The following FUT8 variants were observed in gnomAD, a reference collection of about 807,000 sequenced individuals.
FUT8 encodes the protein fucosyltransferase 8.
FUT8 carries 29 observed loss-of-function variants against 71.3 expected under a neutral mutation model. The ratio of observed to expected loss-of-function variants is 0.41; its 90% confidence interval spans 0.30 to 0.55. FUT8 has a LOEUF of 0.55. Among genes scored for constraint, FUT8 ranks in the 20% least tolerant of loss-of-function variants. FUT8 has a pLI of 0.34. For missense variants in FUT8, 544 were observed against 702.1 expected (o/e 0.77, Z 2.55); for synonymous variants, 254 against 239.3 (o/e 1.06, Z -0.57).
chr14:65,383,236 A>C, the FUT8 span, among the ~76,000 whole-genome samples: 1 of 137,086 alleles, frequency 7.3e-6, no homozygotes. Flanking sequence ...CTCAATAACC[A>C]CCATTGGATT....
At chr14:65,391,830 C>G in the FUT8 span, among the ~76,000 whole-genome samples, 2 of 151,736 alleles carry the variant, frequency 1.3e-5, no homozygotes, top group Non-Finnish European at 2.9e-5. Context: ...CCATGTTGGT[C>G]AGGCTGGTCT....
At chr14:65,677,152 G>GTGTGTGTGTGCGCGCGCGCGCGCGCA (rs1555383261) in intron 7 of FUT8, among the ~76,000 whole-genome samples, 2 of 59,478 alleles carry the variant, frequency 3.4e-5, no homozygotes, top group Non-Finnish European at 9.1e-5. Context: ...GTGTGTGTGT[G>GTGTGTGTGTGCGCGCGCGCGCGCGCA]CGCGCGCGCA....
intron 3 of FUT8, among the ~76,000 whole-genome samples, chr14:65,569,337 C>T (rs1206868034): frequency 6.6e-6 from 1 of 151,592 alleles, no homozygotes; most frequent in Non-Finnish European, 1.5e-5. Flanking sequence ...TTATGGAATT[C>T]CAATTATATG....
intron 10 of FUT8, among the ~76,000 whole-genome samples, chr14:65,741,568 T>TA (rs904566812): frequency 1.6e-4 from 24 of 150,924 alleles, no homozygotes; most frequent in African/African-American, 4.6e-4. Flanking sequence ...AAGTATAATT[T>TA]AAAAAAAAAG....
chr14:65,718,451 T>C (rs1594933909), intron 7 of FUT8, among the ~76,000 whole-genome samples: 1 of 152,334 alleles, frequency 6.6e-6, no homozygotes, highest in East Asian at 1.9e-4. Flanking sequence ...TTGTAGTTAT[T>C]TTTGATCGGT....
intron 9 of FUT8, among the ~76,000 whole-genome samples, chr14:65,729,284 C>T (rs755431775): frequency 2.2e-4 from 34 of 151,426 alleles, no homozygotes; most frequent in Non-Finnish European, 2.8e-4. Context: ...TCCAAAGTGC[C>T]GGGATTACTG....
At chr14:65,367,324 C>T in the FUT8 span, among the ~76,000 whole-genome samples, 1 of 152,144 alleles carries the variant, frequency 6.6e-6, no homozygotes, top group South Asian at 2.1e-4. Flanking sequence ...AAGAAAGCCT[C>T]AGTGGGATGA....
At position 65,508,010 on chromosome 14, in the gene FUT8, A is replaced by G. The variant is rs138490555; in HGVS notation, c.-228+52292A>G. Among the ~76,000 whole-genome samples, 152 of 151,466 alleles carry G rather than the reference A, an allele frequency of 1.0e-3. 1 individual carries two copies. The highest frequency in any genetic ancestry group is 3.6e-3 in the African/African-American group (149 of 41,268). On this transcript the variant is annotated intron_variant, in intron 2 of 10. Coordinates refer to ENST00000673929, the MANE Select transcript of FUT8 (RefSeq NM_001371533.1). ...TAAAAGCCATTTTAACTGGAGTAAGATGATATCTCATTGTAGTTTTGATTT... is the reference window on the plus strand; with the variant it reads ...TAAAAGCCATTTTAACTGGAGTAAGGTGATATCTCATTGTAGTTTTGATTT...
chr14:65,462,632 C>T (rs1437595464), intron 2 of FUT8, among the ~76,000 whole-genome samples: 1 of 152,150 alleles, frequency 6.6e-6, no homozygotes, highest in African/African-American at 2.4e-5. Context: ...TTAAATAGGT[C>T]ACTGTAGTAT....
At chr14:65,509,041 C>G (rs1882161218) in intron 2 of FUT8, among the ~76,000 whole-genome samples, 1 of 152,054 alleles carries the variant, frequency 6.6e-6, no homozygotes, top group African/African-American at 2.4e-5. Context: ...TTATTTTAGT[C>G]ATTTCATAGT....
At chr14:65,621,239 G>T (rs926260251) in intron 5 of FUT8, among the ~76,000 whole-genome samples, 3 of 151,418 alleles carry the variant, frequency 2.0e-5, no homozygotes, top group Non-Finnish European at 4.4e-5. Context: ...TGCATTATTT[G>T]TTCCTGTTTT....
intron 3 of FUT8, among the ~76,000 whole-genome samples, chr14:65,570,182 A>G (rs1268875937): frequency 2.0e-5 from 3 of 152,052 alleles, no homozygotes; most frequent in African/African-American, 7.2e-5. Context: ...CTAGCCTTGG[A>G]GCCATAGAAT....
Position 65,563,435 on chromosome 14 carries a change from A to G in FUT8, c.203+1669A>G, listed in dbSNP as rs150187825. Reference sequence around the variant, plus strand: ...TTTGCTGAAGGTCACACTTTTCACAAGTGGTAGAGCCTACTTTGAATCCCA... The same window carrying G: ...TTTGCTGAAGGTCACACTTTTCACAGGTGGTAGAGCCTACTTTGAATCCCA... On this transcript the variant is annotated intron_variant, in intron 3 of 10. Transcript: ENST00000673929. 4.8e-3 allele frequency among the ~76,000 whole-genome samples: 728 copies of G among 152,116 alleles called. 22 individuals are homozygous for G. The highest frequency in any genetic ancestry group is 1.4e-3 in the Non-Finnish European group (92 of 67,952).
chr14:65,542,863 A>G (rs1319404036), intron 2 of FUT8, among the ~76,000 whole-genome samples: 1 of 151,922 alleles, frequency 6.6e-6, no homozygotes. Context: ...GCTCACTGCA[A>G]CCTCCGCTTC....
intron 2 of FUT8, among the ~76,000 whole-genome samples, chr14:65,469,467 A>G (rs2066101953): frequency 6.6e-6 from 1 of 152,188 alleles, no homozygotes; most frequent in Non-Finnish European, 1.5e-5. Flanking sequence ...GGGATCTTTA[A>G]GGTGTTGCTT....
intron 2 of FUT8, among the ~76,000 whole-genome samples, chr14:65,545,296 A>T (rs1301615649): frequency 6.6e-6 from 1 of 152,044 alleles, no homozygotes; most frequent in African/African-American, 2.4e-5. Context: ...GAAGATATTT[A>T]AAAAATAGAG....
intron 3 of FUT8, among the ~76,000 whole-genome samples, chr14:65,609,145 A>G (rs2140193773): frequency 6.6e-6 from 1 of 151,844 alleles, no homozygotes; most frequent in African/African-American, 2.4e-5. Context: ...AAATATAAAA[A>G]TTAGCCGGGT....
chr14:65,561,828 G>A, intron 3 of FUT8, 62 bp downstream of exon 3: 1 of 1,277,512 alleles, frequency 7.8e-7, no homozygotes, highest in Non-Finnish European at 1.1e-6. Context: ...TAGGTGTAGG[G>A]CTTCATTCCG....
intron 2 of FUT8, among the ~76,000 whole-genome samples, chr14:65,513,218 G>T (rs1313929727): frequency 6.6e-6 from 1 of 152,158 alleles, no homozygotes; most frequent in African/African-American, 2.4e-5. Flanking sequence ...TTTCCTAGTG[G>T]ATTAATATTG....
Sources: gnomAD v4.1 joint callset for allele counts (sites outside exome capture counted in the v4.1 genomes callset) on GRCh38, gnomAD v4.1.1 for gene constraint, MANE v1.5 for transcripts, NCBI Gene and HGNC (gene_info 2026-07-23, HGNC 2026-07-21) for gene names.